DCDC1: variants seen among roughly 807,000 people sequenced by gnomAD.
The protein encoded by DCDC1 is doublecortin domain containing 1, also known as doublecortin domain-containing protein 1.
DCDC1 carries 200 observed loss-of-function variants against 178.3 expected under a neutral mutation model. That is an observed-to-expected ratio of 1.12 (90% CI 1.00 to 1.26). DCDC1 has a LOEUF of 1.26. Among genes scored for constraint, DCDC1 ranks in the 50% most tolerant of loss-of-function variants. The probability of loss-of-function intolerance (pLI) is 0.00; values close to 1 mark genes in which losing one functional copy is unlikely to be tolerated. For missense variants in DCDC1, 1,983 were observed against 1,749.2 expected, an observed-to-expected ratio of 1.13 and a Z score of -2.38; for synonymous variants, 690 against 604.8, an observed-to-expected ratio of 1.14 and a Z score of -2.07.
intron 20 of DCDC1, among the ~76,000 whole-genome samples, chr11:31,002,876 G>A (rs963629915): frequency 3.3e-5 from 5 of 152,016 alleles, no homozygotes; most frequent in Non-Finnish European, 5.9e-5. Context: ...ATGTAGAATA[G>A]TAAAATAATC....
Position 31,114,029 on chromosome 11 carries a change from A to T in DCDC1, c.1486-3668T>A, listed in dbSNP as rs145357985. 2.2e-3 allele frequency among the ~76,000 whole-genome samples: 332 copies of T among 152,286 alleles called. 2 individuals are homozygous for T. The highest frequency in any genetic ancestry group is 7.3e-3 in the African/African-American group (302 of 41,564). ...CCAGGCACTCTAGTGCACCAATCAG[A>T]AAACAGTACACGATAAGGTCAACAG... On this transcript the variant is annotated intron_variant, in intron 11 of 38. Coordinates refer to ENST00000684477, the MANE Select transcript of DCDC1 (RefSeq NM_001387274.1).
At chr11:31,163,002 G>A (rs1241215298) in intron 9 of DCDC1, among the ~76,000 whole-genome samples, 1 of 152,126 alleles carries the variant, frequency 6.6e-6, no homozygotes, top group African/African-American at 2.4e-5. Context: ...ATTTGCTGAA[G>A]CTACTTTGCC....
chr11:31,273,034 C>G (rs1945690052), intron 7 of DCDC1, among the ~76,000 whole-genome samples: 1 of 152,198 alleles, frequency 6.6e-6, no homozygotes, highest in South Asian at 2.1e-4. Flanking sequence ...CACCAAGTCC[C>G]TAGACTGCAA....
chr11:30,911,165 C>T (rs1945420351), intron 28 of DCDC1, among the ~76,000 whole-genome samples, 162 bp downstream of exon 28: 1 of 152,076 alleles, frequency 6.6e-6, no homozygotes, highest in South Asian at 2.1e-4. Flanking sequence ...GGTACATGAA[C>T]ATGTTCAATT....
intron 2 of DCDC1, among the ~76,000 whole-genome samples, chr11:31,329,246 G>C (rs1949825824): frequency 6.6e-6 from 1 of 152,070 alleles, no homozygotes; most frequent in Admixed American, 6.5e-5. Context: ...AGACCTAAGA[G>C]ATGGAGAGAG....
At chr11:30,903,720 G>A (rs1202988802) in intron 31 of DCDC1, 37 bp from the exon 32 acceptor site, 3 of 1,502,650 alleles carry the variant, frequency 2.0e-6, no homozygotes, top group South Asian at 1.4e-5. Context: ...GACAGGCAAA[G>A]GTGATAGCAT....
chr11:31,152,254 G>A (rs185443120), intron 9 of DCDC1, among the ~76,000 whole-genome samples: 1 of 152,242 alleles, frequency 6.6e-6, no homozygotes, highest in Admixed American at 6.5e-5. Flanking sequence ...CCTTAACTCT[G>A]TCGCTATTGG....
At chr11:30,876,280 T>C (rs924937479) in intron 38 of DCDC1, among the ~76,000 whole-genome samples, 1 of 152,220 alleles carries the variant, frequency 6.6e-6, no homozygotes, top group Non-Finnish European at 1.5e-5. Context: ...TTACTGCATT[T>C]ATTAAAAGCC....
intron 1 of DCDC1, among the ~76,000 whole-genome samples, chr11:31,364,815 C>A (rs998894848): frequency 6.6e-6 from 1 of 151,048 alleles, no homozygotes; most frequent in Non-Finnish European, 1.5e-5. Flanking sequence ...TCAATACTAT[C>A]TAAAGCTTTA....
intron 38 of DCDC1, among the ~76,000 whole-genome samples, chr11:30,875,954 T>C (rs1179684255): frequency 6.6e-6 from 1 of 152,194 alleles, no homozygotes; most frequent in Non-Finnish European, 1.5e-5. Flanking sequence ...GGCATATTGC[T>C]TTTAGTTTAC....
chr11:30,897,989 G>A (rs571051032), intron 34 of DCDC1, among the ~76,000 whole-genome samples: 2 of 152,224 alleles, frequency 1.3e-5, no homozygotes, highest in Non-Finnish European at 2.9e-5. Context: ...GAGTAGGAGC[G>A]ACCTAACAGG....
At chr11:31,362,488 T>G (rs1951760592) in intron 1 of DCDC1, among the ~76,000 whole-genome samples, 1 of 152,200 alleles carries the variant, frequency 6.6e-6, no homozygotes, top group South Asian at 2.1e-4. Flanking sequence ...ATTCACCACC[T>G]CTCATTCCTC....
chr11:30,897,972 A>C (rs1210681371), intron 34 of DCDC1, among the ~76,000 whole-genome samples: 1 of 152,204 alleles, frequency 6.6e-6, no homozygotes, highest in African/African-American at 2.4e-5. Context: ...CCTTAAAAAC[A>C]CAGAATGAGT....
intron 36 of DCDC1, among the ~76,000 whole-genome samples, chr11:30,890,316 T>G (rs1943662925): frequency 6.6e-6 from 1 of 152,364 alleles, no homozygotes; most frequent in African/African-American, 2.4e-5. Flanking sequence ...TCTCTGTCCA[T>G]GGGGCACCTA....
At chr11:30,936,876 G>A (rs1012439913) in intron 21 of DCDC1, among the ~76,000 whole-genome samples, 10 of 152,228 alleles carry the variant, frequency 6.6e-5, no homozygotes, top group African/African-American at 2.2e-4. Context: ...TCCATTACTG[G>A]TTGGAAGTCT....
At chr11:31,066,231 T>A (rs1254316387) in intron 18 of DCDC1, among the ~76,000 whole-genome samples, 1 of 152,214 alleles carries the variant, frequency 6.6e-6, no homozygotes, top group East Asian at 1.9e-4. Context: ...AGTAATACAC[T>A]TGGAGGCTAC....
intron 20 of DCDC1, among the ~76,000 whole-genome samples, chr11:31,025,329 C>A (rs938914064): frequency 6.6e-6 from 1 of 151,682 alleles, no homozygotes; most frequent in Non-Finnish European, 1.5e-5. Context: ...CTCAAAAAGC[C>A]ACAAACATTC....
At chr11:31,255,561 G>A (rs1186335637) in intron 8 of DCDC1, among the ~76,000 whole-genome samples, 1 of 152,062 alleles carries the variant, frequency 6.6e-6, no homozygotes, top group Non-Finnish European at 1.5e-5. Flanking sequence ...TTTTTGACTT[G>A]CATTTCCCTA....
chr11:31,165,502 G>T (rs1966696235), intron 9 of DCDC1, among the ~76,000 whole-genome samples: 1 of 151,914 alleles, frequency 6.6e-6, no homozygotes, highest in African/African-American at 2.4e-5. Context: ...GTAGAGACAG[G>T]GTCTCACTAT....
Sources: allele counts gnomAD v4.1 joint callset (sites outside exome capture counted in the v4.1 genomes callset), GRCh38; gene constraint gnomAD v4.1.1; transcripts MANE v1.5; gene names NCBI Gene and HGNC (gene_info 2026-07-23, HGNC 2026-07-21).